PTPRD: variants seen among roughly 807,000 people sequenced by gnomAD.
PTPRD encodes the protein protein tyrosine phosphatase receptor type D.
PTPRD carries 34 observed loss-of-function variants against 214.5 expected under a neutral mutation model. The observed-to-expected ratio is 0.16, with a 90% CI of 0.12 to 0.21. The LOEUF is 0.21. Among genes scored for constraint, PTPRD ranks in the 10% least tolerant of loss-of-function variants. The pLI is 1.00. For missense variants in PTPRD, 2,545 were observed against 2,398.7 expected, an observed-to-expected ratio of 1.06 and a Z score of -1.27; for synonymous variants, 1,128 against 845.7, an observed-to-expected ratio of 1.33 and a Z score of -5.79.
At chr9:9,329,734 G>A (rs572702723) in intron 9 of PTPRD, among the ~76,000 whole-genome samples, 1 of 152,284 alleles carries the variant, frequency 6.6e-6, no homozygotes, top group East Asian at 1.9e-4. Context: ...TAGAGGTTTG[G>A]TTCTTCACAG....
chr9:9,719,944 T>G (rs756966653), intron 7 of PTPRD, among the ~76,000 whole-genome samples: 2 of 152,274 alleles, frequency 1.3e-5, no homozygotes, highest in Non-Finnish European at 2.9e-5. Flanking sequence ...CATGACTAAC[T>G]GTGTGCACTG....
At chr9:8,447,812 T>C (rs1000947136) in intron 34 of PTPRD, among the ~76,000 whole-genome samples, 2 of 152,246 alleles carry the variant, frequency 1.3e-5, no homozygotes, top group Admixed American at 6.5e-5. Context: ...ATGACATTTA[T>C]GTGAAAAACA....
intron 5 of PTPRD, among the ~76,000 whole-genome samples, chr9:9,936,814 T>G: frequency 1.1e-4 from 16 of 140,696 alleles, no homozygotes; most frequent in Non-Finnish European, 1.8e-4. Context: ...AGCAAAGACT[T>G]GGAACCAACC....
intron 4 of PTPRD, among the ~76,000 whole-genome samples, chr9:9,971,637 G>C (rs1456077559): frequency 6.6e-5 from 10 of 152,096 alleles, no homozygotes; most frequent in Admixed American, 3.9e-4. Context: ...ATTTGTATAG[G>C]AAAAGCATTC....
chr9:8,487,273 AT>A (rs1399412878), intron 27 of PTPRD, among the ~76,000 whole-genome samples: 33 of 152,174 alleles, frequency 2.2e-4, no homozygotes, highest in Non-Finnish European at 3.8e-4. Flanking sequence ...TGAATACATA[AT>A]TTATTTACCT....
At chr9:8,911,321 G>C (rs2098745596) in intron 11 of PTPRD, among the ~76,000 whole-genome samples, 1 of 152,052 alleles carries the variant, frequency 6.6e-6, no homozygotes, top group Non-Finnish European at 1.5e-5. Flanking sequence ...TTTGACAAAA[G>C]TGCCAAGGCA....
At chr9:10,015,777 C>G (rs1033203507) in intron 4 of PTPRD, among the ~76,000 whole-genome samples, 1 of 152,166 alleles carries the variant, frequency 6.6e-6, no homozygotes, top group African/African-American at 2.4e-5. Context: ...ATCATAGTAT[C>G]TTAAGAAATT....
At chr9:9,959,114 T>C (rs955869138) in intron 4 of PTPRD, among the ~76,000 whole-genome samples, 1 of 152,146 alleles carries the variant, frequency 6.6e-6, no homozygotes. Flanking sequence ...GTTCAACAGA[T>C]GAATGAATAA....
chr9:8,788,149 A>C (rs1221726545), intron 11 of PTPRD, among the ~76,000 whole-genome samples: 1 of 152,184 alleles, frequency 6.6e-6, no homozygotes, highest in South Asian at 2.1e-4. Flanking sequence ...TTCTGCATTC[A>C]AAATTCATTT....
At chr9:9,321,329 G>A (rs918519328) in intron 9 of PTPRD, among the ~76,000 whole-genome samples, 2 of 152,138 alleles carry the variant, frequency 1.3e-5, no homozygotes, top group Non-Finnish European at 2.9e-5. Flanking sequence ...GCCGAGGCGG[G>A]TGGATCACCT....
chr9:9,494,783 T>C lies in PTPRD; in HGVS notation c.-237+79949A>G, dbSNP rs758697071. ...ACACAAGTTTAATCAATATCCCAAA[T>C]AAGTTTCTTTGCAGAAATAGGAAAC... On this transcript the variant is annotated intron_variant, in intron 8 of 45. Transcript: ENST00000381196. 2.6e-5 allele frequency among the ~76,000 whole-genome samples: 4 copies of C among 152,162 alleles called. No homozygotes were observed. The South Asian group carries it at 8.3e-4, about 32-fold the overall frequency.
At chr9:10,032,295 A>G (rs1348682904) in intron 4 of PTPRD, among the ~76,000 whole-genome samples, 12 of 152,188 alleles carry the variant, frequency 7.9e-5, no homozygotes, top group Admixed American at 4.6e-4. Context: ...AGACATTACT[A>G]AGAAAAAAAT....
Position 10,126,442 on chromosome 9 carries a change from C to T in PTPRD, c.-544-92652G>A, listed in dbSNP as rs1175586880. ...TTTTATATATACACACACACACACA[C>T]ACACACACACACACACACACATTGA... is the stretch of plus-strand genomic sequence containing the variant. On this transcript the variant is annotated intron_variant, in intron 3 of 45. Transcript: ENST00000381196. Among the ~76,000 whole-genome samples, 71 of 151,428 alleles carry T rather than the reference C, an allele frequency of 4.7e-4. 1 individual carries two copies. The highest frequency in any genetic ancestry group is 1.5e-3 in the African/African-American group (64 of 41,304).
intron 14 of PTPRD, among the ~76,000 whole-genome samples, chr9:8,587,827 C>T (rs530580505): frequency 6.4e-4 from 97 of 152,254 alleles, no homozygotes; most frequent in Non-Finnish European, 9.4e-4. Flanking sequence ...ATATAAATCC[C>T]GACTGTGGCA....
chr9:8,690,108 A>T (rs1427787535), intron 12 of PTPRD, among the ~76,000 whole-genome samples: 4 of 71,082 alleles, frequency 5.6e-5, no homozygotes, highest in African/African-American at 2.4e-4. Context: ...ACTCCATCTT[A>T]AAAAAAAAAA....
At chr9:8,842,187 G>A (rs924080079) in intron 11 of PTPRD, among the ~76,000 whole-genome samples, 4 of 152,034 alleles carry the variant, frequency 2.6e-5, no homozygotes, top group South Asian at 2.1e-4. Context: ...CCTGTAGGAG[G>A]TGACAGAAAT....
intron 14 of PTPRD, 145 bp downstream of exon 14, chr9:8,633,172 G>A: frequency 1.9e-5 from 19 of 1,001,840 alleles, no homozygotes; most frequent in Non-Finnish European, 2.6e-5. Context: ...GGTATCCACT[G>A]TCTAATTAAA....
At chr9:10,126,246 A>T (rs1483221726) in intron 3 of PTPRD, among the ~76,000 whole-genome samples, 4 of 152,124 alleles carry the variant, frequency 2.6e-5, no homozygotes, top group Non-Finnish European at 5.9e-5. Flanking sequence ...CTTTACAATT[A>T]CCACCTAGTT....
chr9:10,121,499 A>T (rs1242221714), intron 3 of PTPRD, among the ~76,000 whole-genome samples: 3 of 152,234 alleles, frequency 2.0e-5, no homozygotes, highest in Non-Finnish European at 4.4e-5. Flanking sequence ...ATAACAAAAC[A>T]CGAGCAATAT....
Sources: gnomAD v4.1 joint callset for allele counts (sites outside exome capture counted in the v4.1 genomes callset) on GRCh38, gnomAD v4.1.1 for gene constraint, MANE v1.5 for transcripts, NCBI Gene and HGNC (gene_info 2026-07-23, HGNC 2026-07-21) for gene names.